The following ALLC variants were observed in gnomAD, a reference collection of about 807,000 sequenced individuals.
ALLC encodes the protein probable inactive allantoicase.
ALLC carries 40 observed loss-of-function variants against 45.0 expected under a neutral mutation model. The ratio of observed to expected loss-of-function variants is 0.89; its 90% CI spans 0.69 to 1.16. ALLC has a LOEUF of 1.16. ALLC is among the 50% of genes most tolerant of loss of function. The pLI is 0.00. For synonymous variants in ALLC, 176 were observed against 178.1 expected, an observed-to-expected ratio of 0.99 and a Z score of 0.09; for missense variants, 488 against 493.1, an observed-to-expected ratio of 0.99 and a Z score of 0.10.
upstream of ALLC, among the ~76,000 whole-genome samples, chr2:3,656,605 G>T (rs1392872508): frequency 1.3e-5 from 2 of 152,264 alleles, no homozygotes; most frequent in Non-Finnish European, 2.9e-5. Flanking sequence ...CAGCTAGCTG[G>T]CAGAGCCCTG....
rs11379495 is a variant in ALLC at position 3,675,387 on chromosome 2, C to CA, written c.84+1280dup. Among the ~76,000 whole-genome samples, 214 of 109,662 alleles carry CA rather than the reference C, an allele frequency of 2.0e-3. 2 individuals are homozygous for CA. The highest frequency in any genetic ancestry group is 4.8e-3 in the Middle Eastern group (1 of 208). 71.9% of individuals were successfully genotyped at this position (109,662 alleles called of 152,430 possible). On this transcript the variant is annotated intron_variant, in intron 3 of 11. Transcript: ENST00000252505. ...CCTGGGTGACAGAGTAAGACCCTGT[C>CA]AAAAAAAAAAAAAAAAAAGCAAGCT...
At chr2:3,666,677 C>T (rs745990715) in intron 1 of ALLC, among the ~76,000 whole-genome samples, 8 of 152,250 alleles carry the variant, frequency 5.3e-5, no homozygotes, top group Non-Finnish European at 1.2e-4. Flanking sequence ...GAGCACGCCG[C>T]GATGCTGCTA....
intron 1 of ALLC, among the ~76,000 whole-genome samples, chr2:3,667,493 C>T (rs866177102): frequency 6.6e-6 from 1 of 152,332 alleles, no homozygotes; most frequent in East Asian, 1.9e-4. Context: ...TTGGATACAT[C>T]GCGGTTGGCC....
chr2:3,697,406 C>G lies in ALLC; in HGVS notation c.800C>G (p.Ala267Gly), dbSNP rs555732595. Residue 267 changes from alanine to glycine, a missense_variant, in exon 10 of 12, where the codon GCA becomes GGA. Physicochemically the swap from Ala to Gly is moderately conservative, Grantham distance 60. Transcript: ENST00000252505. ...TGTGAATGGGCAGTTTTCCGATTGG[C>G]ACATCCTGGAGTAATAACTCGAATT... is the stretch of plus-strand genomic sequence containing the variant. The part of the protein sequence containing the change: ...PGCEWAVFRL[A>G]HPGVITRIEI... The G allele has an allele frequency of 6.2e-7, 1 of 1,613,846 alleles. No individual in the cohort carries two copies. The highest frequency in any genetic ancestry group is 8.5e-7 in the Non-Finnish European group (1 of 1,179,830).
At chr2:3,668,213 T>C (rs1666777909) in intron 1 of ALLC, among the ~76,000 whole-genome samples, 1 of 152,032 alleles carries the variant, frequency 6.6e-6, no homozygotes. Flanking sequence ...GAGGAGGTGA[T>C]TGTCAGGCAA....
the ALLC span, among the ~76,000 whole-genome samples, chr2:3,647,216 C>T: frequency 2.0e-5 from 3 of 152,142 alleles, no homozygotes; most frequent in South Asian, 2.1e-4. Flanking sequence ...CACACACATA[C>T]GTCTAAGAAG....
chr2:3,666,385 C>T (rs1666724798), intron 1 of ALLC, among the ~76,000 whole-genome samples: 1 of 152,236 alleles, frequency 6.6e-6, no homozygotes, highest in Admixed American at 6.5e-5. Context: ...CCGTGACTGG[C>T]CCAGCACTGC....
intron 1 of ALLC, among the ~76,000 whole-genome samples, chr2:3,661,173 A>G (rs1034376609): frequency 6.6e-6 from 1 of 152,140 alleles, no homozygotes; most frequent in African/African-American, 2.4e-5. Flanking sequence ...AGCAATGGGT[A>G]TAATAATGTG....
chr2:3,668,387 G>T (rs1259984446), intron 1 of ALLC, among the ~76,000 whole-genome samples: 1 of 152,034 alleles, frequency 6.6e-6, no homozygotes, highest in Admixed American at 6.6e-5. Flanking sequence ...TTCATTCTGA[G>T]TGAACAGGGA....
At chr2:3,665,128 C>T (rs952650588) in intron 1 of ALLC, among the ~76,000 whole-genome samples, 6 of 152,108 alleles carry the variant, frequency 3.9e-5, no homozygotes, top group South Asian at 2.1e-4. Context: ...TGGTGCCTGT[C>T]GCAGCGAGAC....
chr2:3,655,939 G>A (rs1666428612), upstream of ALLC, among the ~76,000 whole-genome samples: 1 of 151,970 alleles, frequency 6.6e-6, no homozygotes, highest in Admixed American at 6.5e-5. Flanking sequence ...TGCAAAGCCT[G>A]TTGCCCGCTC....
At chr2:3,651,306 G>T in the ALLC span, among the ~76,000 whole-genome samples, 5 of 5,168 alleles carry the variant, frequency 9.7e-4, 1 homozygote, top group African/African-American at 1.6e-3. Context: ...TTGGGTGGGT[G>T]GGTGGGTGGG....
chr2:3,681,048 G>A (rs907865205), intron 5 of ALLC, among the ~76,000 whole-genome samples: 4 of 152,188 alleles, frequency 2.6e-5, no homozygotes, highest in African/African-American at 9.7e-5. Context: ...AGTCAATGTG[G>A]GTTGGCAAGT....
chr2:3,669,822 A>C (rs1281165815), intron 1 of ALLC, among the ~76,000 whole-genome samples: 3 of 152,170 alleles, frequency 2.0e-5, no homozygotes. Flanking sequence ...GCGATGGGGC[A>C]GGCTGAGGAA....
chr2:3,678,496 A>C lies in ALLC; in HGVS notation c.113A>C (p.Glu38Ala), dbSNP rs1667085632. 1.2e-6 allele frequency: 2 copies of C among 1,614,074 alleles called. No individual in the cohort carries two copies. The highest frequency in any genetic ancestry group is 4.5e-5 in the East Asian group (2 of 44,888). The part of the protein sequence containing the change: ...KSDSPCFKEH[E>A]YTEFGKWMDG... ...GACAGCCCGTGCTTCAAAGAGCATGAATATACGGAGTTTGGGAAATGGATG... is the reference window on the plus strand; with the variant it reads ...GACAGCCCGTGCTTCAAAGAGCATGCATATACGGAGTTTGGGAAATGGATG... The change falls in exon 4 of 12, where the codon GAA becomes GCA. Residue 38 changes from glutamate (E) to alanine (A), a missense_variant. Transcript: ENST00000252505.
chr2:3,691,132 T>G lies in ALLC; in HGVS notation c.512-4585T>G, dbSNP rs566931357. Reference sequence around the variant, plus strand: ...TTTTTTCTTTCAGCACTTTAAAATGTCATCCCACTTCTTTTTGGCCTGTAT... The same window carrying G: ...TTTTTTCTTTCAGCACTTTAAAATGGCATCCCACTTCTTTTTGGCCTGTAT... On this transcript the variant is annotated intron_variant, in intron 7 of 11. Transcript: ENST00000252505. Among the ~76,000 whole-genome samples, 4 of 152,336 alleles carry G rather than the reference T, an allele frequency of 2.6e-5. No individual in the cohort carries two copies. The South Asian group carries it at 8.3e-4, about 32-fold the overall frequency.
At chr2:3,701,771 T>A (rs1416233166) in intron 11 of ALLC, 135 bp downstream of exon 11, 6 of 1,091,484 alleles carry the variant, frequency 5.5e-6, no homozygotes, top group Non-Finnish European at 7.4e-6. Context: ...AAAACCCCTA[T>A]CTGCAAACTT....
intron 7 of ALLC, among the ~76,000 whole-genome samples, chr2:3,689,970 T>C (rs1371619347): frequency 4.0e-5 from 6 of 149,438 alleles, no homozygotes; most frequent in Admixed American, 3.3e-4. Flanking sequence ...TAACAGTCTT[T>C]GATTTGTAGT....
At chr2:3,685,786 T>C (rs1667322808) in intron 7 of ALLC, among the ~76,000 whole-genome samples, 1 of 151,170 alleles carries the variant, frequency 6.6e-6, no homozygotes, top group South Asian at 2.1e-4. Context: ...ATGCCTTCTT[T>C]TGAGAAATAT....
Sources: gnomAD v4.1 joint callset for allele counts (sites outside exome capture counted in the v4.1 genomes callset) on GRCh38, gnomAD v4.1.1 for gene constraint, MANE v1.5 for transcripts, NCBI Gene and HGNC (gene_info 2026-07-23, HGNC 2026-07-21) for gene names.